Variants in NELL1 observed in about 807,000 individuals in gnomAD.
The protein encoded by NELL1 is neural EGFL like 1.
In NELL1, 76 loss-of-function variants were observed where a neutral mutation model predicts 107.4. The ratio of observed to expected loss-of-function variants is 0.71; its 90% CI spans 0.59 to 0.86. The LOEUF is 0.86. Ranked by LOEUF, NELL1 falls within the 40% of genes least tolerant of loss-of-function variation. The pLI is 0.00. For synonymous variants in NELL1, 353 were observed against 341.2 expected (o/e 1.03, Z -0.38); for missense variants, 1,024 against 1,005.5 (o/e 1.02, Z -0.25).
chr11:21,001,799 A>G (rs1852227967), intron 12 of NELL1, among the ~76,000 whole-genome samples: 1 of 151,784 alleles, frequency 6.6e-6, no homozygotes, highest in Non-Finnish European at 1.5e-5. Context: ...GAACAGCCTC[A>G]AGGATGCTCT....
At chr11:20,816,578 G>A (rs550329583) in intron 3 of NELL1, among the ~76,000 whole-genome samples, 40 of 152,042 alleles carry the variant, frequency 2.6e-4, no homozygotes, top group African/African-American at 6.3e-4. Context: ...GTATGGAATC[G>A]TGTTGTCAAC....
At chr11:21,019,961 C>T (rs1355013803) in intron 12 of NELL1, among the ~76,000 whole-genome samples, 1 of 152,056 alleles carries the variant, frequency 6.6e-6, no homozygotes, top group Non-Finnish European at 1.5e-5. Context: ...TCAATATTTG[C>T]TAATAGTTAA....
At chr11:20,755,550 G>GTTTTTTTTTTTTTTTTTTTTTT (rs1226891368) in intron 2 of NELL1, among the ~76,000 whole-genome samples, 9 of 114,538 alleles carry the variant, frequency 7.9e-5, no homozygotes, top group African/African-American at 4.0e-4. Flanking sequence ...GTTTTTTTTT[G>GTTTTTTTTTTTTTTTTTTTTTT]TTTTTGTTTT....
At chr11:21,187,203 T>TTGACAGAAGCGA (rs1181261292) in intron 13 of NELL1, among the ~76,000 whole-genome samples, 4 of 151,800 alleles carry the variant, frequency 2.6e-5, no homozygotes, top group African/African-American at 7.3e-5. Flanking sequence ...AAGGGAAGAC[T>TTGACAGAAGCGA]TGACAGAAGC....
At chr11:21,367,084 C>T (rs1444979649) in intron 14 of NELL1, among the ~76,000 whole-genome samples, 1 of 151,874 alleles carries the variant, frequency 6.6e-6, no homozygotes, top group Non-Finnish European at 1.5e-5. Context: ...AGTACTCTTT[C>T]TGTGGATTGA....
At chr11:21,091,179 T>A (rs1051666466) in intron 12 of NELL1, among the ~76,000 whole-genome samples, 5 of 152,200 alleles carry the variant, frequency 3.3e-5, no homozygotes, top group South Asian at 2.1e-4. Flanking sequence ...TCTCTGAAGA[T>A]CTTTTCTGGA....
At position 21,573,288 on chromosome 11, in the gene NELL1, G is replaced by C. The variant is rs780290439; in HGVS notation, c.2261G>C (p.Cys754Ser). ...ECCPRCVSDP[C>S]LADNITYDIR... ...TGTCCCCGCTGTGTCAGTGACCCCTGCCTAGCTGATAACATCACCTATGAC... is the reference window on the plus strand; with the variant it reads ...TGTCCCCGCTGTGTCAGTGACCCCTCCCTAGCTGATAACATCACCTATGAC... Residue 754 changes from cysteine (C) to serine (S), a missense_variant, in exon 19 of 20, where the codon TGC becomes TCC. By Grantham distance (112) the Cys-to-Ser change is moderately radical. Transcript: ENST00000357134. The C allele has an allele frequency of 1.4e-5, 23 of 1,612,368 alleles. No individual in the cohort carries two copies. The highest frequency in any genetic ancestry group is 2.0e-5 in the Non-Finnish European group (23 of 1,179,066).
At chr11:21,044,572 A>G (rs367832680) in intron 12 of NELL1, among the ~76,000 whole-genome samples, 14 of 152,138 alleles carry the variant, frequency 9.2e-5, no homozygotes, top group African/African-American at 2.7e-4. Context: ...TATATAAGTG[A>G]ATGGGAAAGA....
At chr11:20,818,406 C>CTTTTTTTTTTTT in intron 3 of NELL1, among the ~76,000 whole-genome samples, 1 of 108,730 alleles carries the variant, frequency 9.2e-6, no homozygotes, top group Non-Finnish European at 1.9e-5. Context: ...GCAACCCCTG[C>CTTTTTTTTTTTT]TTTTTTTTTT....
At chr11:20,843,555 C>T (rs1257864754) in intron 3 of NELL1, among the ~76,000 whole-genome samples, 1 of 126,514 alleles carries the variant, frequency 7.9e-6, no homozygotes, top group Non-Finnish European at 1.6e-5. Flanking sequence ...TCTAGCCCTT[C>T]TGTTCTATAT....
intron 3 of NELL1, among the ~76,000 whole-genome samples, chr11:20,808,847 A>C (rs2134010727): frequency 6.6e-6 from 1 of 152,272 alleles, no homozygotes; most frequent in South Asian, 2.1e-4. Flanking sequence ...TCTTTTTGCT[A>C]TGTGGCTGCT....
intron 12 of NELL1, among the ~76,000 whole-genome samples, chr11:21,049,062 G>A (rs899119623): frequency 6.6e-6 from 1 of 152,180 alleles, no homozygotes; most frequent in African/African-American, 2.4e-5. Flanking sequence ...AGTTCCACAG[G>A]AAGCTCTGAT....
chr11:20,901,207 A>T (rs1380905803), intron 5 of NELL1, among the ~76,000 whole-genome samples: 1 of 152,120 alleles, frequency 6.6e-6, no homozygotes, highest in African/African-American at 2.4e-5. Context: ...TGATCACCAA[A>T]TTATTAGAAT....
chr11:20,695,930 T>C (rs1854603273), intron 2 of NELL1, among the ~76,000 whole-genome samples: 1 of 152,026 alleles, frequency 6.6e-6, no homozygotes, highest in Admixed American at 6.6e-5. Context: ...AGATAGGATT[T>C]TTTAAAATTA....
intron 14 of NELL1, 89 bp downstream of exon 14, chr11:21,229,543 G>A (rs1435051162): frequency 6.4e-7 from 1 of 1,552,448 alleles, no homozygotes; most frequent in Non-Finnish European, 8.8e-7. Context: ...GGTAACTCTT[G>A]GTGGAACACA....
At chr11:21,193,016 G>T (rs1857079060) in intron 13 of NELL1, among the ~76,000 whole-genome samples, 1 of 151,830 alleles carries the variant, frequency 6.6e-6, no homozygotes, top group African/African-American at 2.4e-5. Context: ...TTTACAAAAT[G>T]TAGTGGTTAA....
At chr11:21,142,291 G>C (rs1419116213) in intron 13 of NELL1, among the ~76,000 whole-genome samples, 1 of 152,150 alleles carries the variant, frequency 6.6e-6, no homozygotes, top group Admixed American at 6.5e-5. Flanking sequence ...ATTATCCTGG[G>C]ATGGCAGGCA....
At chr11:20,717,039 G>A (rs1855268840) in intron 2 of NELL1, among the ~76,000 whole-genome samples, 1 of 152,138 alleles carries the variant, frequency 6.6e-6, no homozygotes, top group Non-Finnish European at 1.5e-5. Context: ...TGCTATTGAT[G>A]AAAACTTGGC....
chr11:21,479,357 T>TA (rs59082270), intron 15 of NELL1, among the ~76,000 whole-genome samples: 1 of 151,634 alleles, frequency 6.6e-6, no homozygotes, highest in Non-Finnish European at 1.5e-5. Flanking sequence ...CATTCAGCCA[T>TA]AAAAAAAAGT....
Sources: allele counts gnomAD v4.1 joint callset (sites outside exome capture counted in the v4.1 genomes callset), GRCh38; gene constraint gnomAD v4.1.1; transcripts MANE v1.5; gene names NCBI Gene and HGNC (gene_info 2026-07-23, HGNC 2026-07-21).